ALMS1: variants seen among roughly 807,000 people sequenced by gnomAD.
ALMS1 encodes ALMS1 centrosome and basal body associated protein, also known as centrosome-associated protein ALMS1.
A neutral mutation model predicts 352.2 loss-of-function variants in ALMS1; 271 were observed. The ratio of observed to expected loss-of-function variants is 0.77; its 90% confidence interval spans 0.70 to 0.85. The LOEUF is 0.85. Among genes scored for constraint, ALMS1 ranks in the 40% least tolerant of loss-of-function variants. The pLI is 0.00. For synonymous variants in ALMS1, 1,865 were observed against 1,761.2 expected, an observed-to-expected ratio of 1.06 and a Z score of -1.48; for missense variants, 5,445 against 4,870.7, an observed-to-expected ratio of 1.12 and a Z score of -3.51.
intron 16 of ALMS1, among the ~76,000 whole-genome samples, chr2:73,576,957 A>G (rs764567374): frequency 9.2e-5 from 14 of 151,968 alleles, no homozygotes; most frequent in Non-Finnish European, 1.5e-4. Flanking sequence ...TATGGTGTAT[A>G]TTTATTGATA....
At chr2:73,537,735 G>A (rs550012675) in intron 12 of ALMS1, among the ~76,000 whole-genome samples, 3 of 152,278 alleles carry the variant, frequency 2.0e-5, no homozygotes, top group African/African-American at 4.8e-5. Context: ...GGCCGGGTGC[G>A]GTGGCTCATG....
intron 9 of ALMS1, among the ~76,000 whole-genome samples, chr2:73,464,549 C>T (rs1343847941): frequency 6.6e-6 from 1 of 152,170 alleles, no homozygotes; most frequent in Non-Finnish European, 1.5e-5. Flanking sequence ...ACAGGGGTGC[C>T]CTCTCTCACC....
chr2:73,579,620 A>G (rs1675131588), intron 16 of ALMS1, among the ~76,000 whole-genome samples: 1 of 152,174 alleles, frequency 6.6e-6, no homozygotes. Context: ...TCGGCCTCCC[A>G]AAGTCTCCTT....
chr2:73,395,272 G>A (rs1363110411), intron 1 of ALMS1, among the ~76,000 whole-genome samples: 2 of 151,146 alleles, frequency 1.3e-5, no homozygotes, highest in East Asian at 2.0e-4. Flanking sequence ...TAGAGATGGG[G>A]TTTTGTCATG....
chr2:73,535,804 C>T (rs968313932), intron 12 of ALMS1, among the ~76,000 whole-genome samples: 13 of 151,882 alleles, frequency 8.6e-5, no homozygotes, highest in African/African-American at 2.7e-4. Context: ...TTTGAGTTGT[C>T]GACGGGATAT....
At chr2:73,456,426 A>G (rs1043075930) in intron 9 of ALMS1, among the ~76,000 whole-genome samples, 1 of 152,192 alleles carries the variant, frequency 6.6e-6, no homozygotes, top group Non-Finnish European at 1.5e-5. Context: ...TTGCATAGTA[A>G]TAGGGTATAA....
chr2:73,589,928 A>G (rs1457525807), intron 16 of ALMS1, among the ~76,000 whole-genome samples: 3 of 152,196 alleles, frequency 2.0e-5, no homozygotes, highest in East Asian at 3.9e-4. Flanking sequence ...ATTGCTTTCC[A>G]GTTCATATTC....
chr2:73,458,038 A>AAAAAG (rs1257472237), intron 9 of ALMS1: 2 of 151,168 alleles, frequency 1.3e-5, no homozygotes, highest in Non-Finnish European at 2.9e-5. Context: ...TGTCTCAAAA[A>AAAAAG]AAAAAAAAAA....
chr2:73,461,484 G>C (rs1440857960), intron 9 of ALMS1, among the ~76,000 whole-genome samples: 1 of 152,194 alleles, frequency 6.6e-6, no homozygotes, highest in African/African-American at 2.4e-5. Context: ...ACCAAAGGTA[G>C]ATAAAACCAC....
intron 2 of ALMS1, among the ~76,000 whole-genome samples, chr2:73,417,266 G>A (rs1671198244): frequency 1.3e-5 from 2 of 152,170 alleles, no homozygotes; most frequent in Non-Finnish European, 2.9e-5. Flanking sequence ...AAAACTATGA[G>A]TATTTCATAG....
At chr2:73,523,596 A>T (rs1348327169) in intron 11 of ALMS1, among the ~76,000 whole-genome samples, 1 of 152,180 alleles carries the variant, frequency 6.6e-6, no homozygotes. Context: ...GTGAAACCTC[A>T]TCTGTACTAA....
In ALMS1 at chr2:73,448,943, G is replaced by A. The variant is rs138921247; in HGVS notation, c.2416G>A (p.Val806Ile). 6.2e-7 allele frequency: 1 copy of A among 1,613,960 alleles called. No homozygotes were observed. Among genetic ancestry groups the A allele is most frequent in the Non-Finnish European group, 8.5e-7 (1 of 1,179,986 alleles). The change falls in exon 8 of 23, where the codon GTA (valine) becomes ATA (isoleucine). Residue 806 changes from valine (V) to isoleucine (I), a missense_variant. Physicochemically the swap from Val to Ile is conservative, Grantham distance 29. Transcript: ENST00000613296. ...PADQKTGLPT[V>I]PSSAYSHREK... is the part of the protein sequence containing the mutation. ...TGACCAGAAGACTGGCCTACCAACAGTACCCTCTAGTGCATACTCACACAG... is the reference window on the plus strand; with the variant it reads ...TGACCAGAAGACTGGCCTACCAACAATACCCTCTAGTGCATACTCACACAG...
chr2:73,587,455 A>C (rs746066530), intron 16 of ALMS1, among the ~76,000 whole-genome samples: 1 of 152,152 alleles, frequency 6.6e-6, no homozygotes, highest in African/African-American at 2.4e-5. Flanking sequence ...TGTCCTTTCT[A>C]TGCCGATTTT....
At position 73,446,750 on chromosome 2, in the gene ALMS1, G is replaced by T. The variant is rs566321223; in HGVS notation, c.1433-1210G>T. Among the ~76,000 whole-genome samples, 13 of 152,136 alleles carry T rather than the reference G, an allele frequency of 8.5e-5. 1 individual carries two copies. In the South Asian group the frequency reaches 2.7e-3, roughly 32 times the overall value. On this transcript the variant is annotated intron_variant, in intron 7 of 22. Transcript: ENST00000613296. ...AATTCTAGAAAAACTATGTATCTTTGCACTTAAAATGTGGTCTGAGGACCA... is the reference window on the plus strand; with the variant it reads ...AATTCTAGAAAAACTATGTATCTTTTCACTTAAAATGTGGTCTGAGGACCA...
At chr2:73,569,170 G>A (rs936702596) in intron 15 of ALMS1, among the ~76,000 whole-genome samples, 9 of 151,356 alleles carry the variant, frequency 5.9e-5, no homozygotes, top group Admixed American at 1.3e-4. Flanking sequence ...GTGCACCACC[G>A]CACCTGGCTA....
chr2:73,558,611 T>A (rs1409338299), intron 14 of ALMS1, among the ~76,000 whole-genome samples: 1 of 152,206 alleles, frequency 6.6e-6, no homozygotes, highest in Non-Finnish European at 1.5e-5. Context: ...CTAAGTTACT[T>A]TCCTGACACC....
intron 7 of ALMS1, among the ~76,000 whole-genome samples, chr2:73,434,873 T>A (rs1250976828): frequency 6.6e-6 from 1 of 152,190 alleles, no homozygotes; most frequent in Non-Finnish European, 1.5e-5. Context: ...CGTGGCTCAC[T>A]GCAACCTCTA....
rs1273490920 is a variant in ALMS1, at chr2:73,453,365, C to T, written c.6838C>T (p.Pro2280Ser). The stretch of plus-strand genomic sequence containing the variant: ...TATGGCACTGAAACGATGCAATTTT[C>T]CTGCTCCCCTTGCCCGTTTCAGAGA... ...ENMALKRCNF[P>S]APLARFRDIS... The change falls in exon 8 of 23, where the codon CCT becomes TCT. Residue 2280 changes from proline (P) to serine (S), a missense_variant. Pro to Ser is a moderately conservative substitution (Grantham distance 74). Transcript: ENST00000613296. 2 of 1,613,728 alleles carry T rather than the reference C, an allele frequency of 1.2e-6. No individual in the cohort carries two copies. The highest frequency in any genetic ancestry group is 3.3e-5 in the Admixed American group (2 of 59,922).
At chr2:73,455,531 G>C (rs577314532) in intron 9 of ALMS1, among the ~76,000 whole-genome samples, 1 of 152,128 alleles carries the variant, frequency 6.6e-6, no homozygotes, top group East Asian at 1.9e-4. Flanking sequence ...AGCCTCTCAG[G>C]TAGCTGGGAC....
Sources: allele counts gnomAD v4.1 joint callset (sites outside exome capture counted in the v4.1 genomes callset), GRCh38; gene constraint gnomAD v4.1.1; transcripts MANE v1.5; gene names NCBI Gene and HGNC (gene_info 2026-07-23, HGNC 2026-07-21).